The following UST variants were observed in gnomAD, a reference collection of about 807,000 sequenced individuals.
UST encodes chondroitin sulfate 2-O-sulfotransferase.
UST carries 21 observed loss-of-function variants against 45.6 expected under a neutral mutation model. That is an observed-to-expected ratio of 0.46 (90% CI 0.33 to 0.66). The LOEUF is 0.66. UST is among the 30% of genes least tolerant of loss of function. The pLI is 0.02. For synonymous variants in UST, 215 were observed against 200.6 expected, an observed-to-expected ratio of 1.07 and a Z score of -0.61; for missense variants, 463 against 512.4, an observed-to-expected ratio of 0.90 and a Z score of 0.93.
At chr6:148,757,037 G>C (rs1217197043) in intron 1 of UST, among the ~76,000 whole-genome samples, 1 of 152,208 alleles carries the variant, frequency 6.6e-6, no homozygotes, top group Non-Finnish European at 1.5e-5. Flanking sequence ...AGAGGTGGTT[G>C]CCCATTCTAG....
chr6:148,747,995 G>C (rs997723433), intron 1 of UST, among the ~76,000 whole-genome samples: 2 of 152,202 alleles, frequency 1.3e-5, no homozygotes, highest in African/African-American at 4.8e-5. Flanking sequence ...ATGGGTGTGT[G>C]GGGTGTGCCG....
intron 2 of UST, among the ~76,000 whole-genome samples, chr6:148,935,465 TA>T (rs1388698451): frequency 1.3e-5 from 2 of 152,178 alleles, no homozygotes; most frequent in African/African-American, 2.4e-5. Context: ...ATAGGAACAT[TA>T]AAGTAGAGGA....
chr6:149,015,877 T>C lies in UST; in HGVS notation c.682-3262T>C, dbSNP rs368727751. ...GTGCAGCTCATTGGTCTCATTTAGT[T>C]TCCCAGGAGGCTGAAATGTTGCTCA... On this transcript the variant is annotated intron_variant, in intron 5 of 7. Coordinates refer to ENST00000367463, the MANE Select transcript of UST (RefSeq NM_005715.3). Among the ~76,000 whole-genome samples the C allele has an allele frequency of 3.9e-5, 6 of 152,274 alleles. 1 individual carries two copies. The highest frequency in any genetic ancestry group is 1.3e-4 in the Admixed American group (2 of 15,302).
At chr6:149,012,670 C>T (rs1276728240) in intron 5 of UST, among the ~76,000 whole-genome samples, 3 of 152,110 alleles carry the variant, frequency 2.0e-5, no homozygotes, top group Non-Finnish European at 4.4e-5. Context: ...CAAAGTTCCA[C>T]AGTGGTATAT....
chr6:148,833,645 C>G (rs1582840799), intron 1 of UST, among the ~76,000 whole-genome samples: 1 of 152,162 alleles, frequency 6.6e-6, no homozygotes, highest in East Asian at 1.9e-4. Context: ...AGGTGGAGGA[C>G]AAGCAGGTTA....
chr6:148,994,897 T>C lies in UST; in HGVS notation c.682-24242T>C, dbSNP rs566573862. On this transcript the variant is annotated intron_variant, in intron 5 of 7. Transcript: ENST00000367463. ...CCCTTCATAGCCCTTAATCTATAGA[T>C]TCAAAACTCAAAGTGCCTGTTCACC... 1.3e-4 allele frequency among the ~76,000 whole-genome samples: 20 copies of C among 152,310 alleles called. No homozygotes were observed. The East Asian group carries it at 3.7e-3, about 28-fold the overall frequency.
chr6:148,778,993 C>T (rs114151290), intron 1 of UST, among the ~76,000 whole-genome samples: 1,737 of 152,222 alleles, frequency 0.011, 27 homozygotes, highest in African/African-American at 0.039. Context: ...TCTGCAAGGC[C>T]GAGCCCACCC....
chr6:148,929,174 C>T (rs1358451363), intron 2 of UST, among the ~76,000 whole-genome samples: 1 of 152,218 alleles, frequency 6.6e-6, no homozygotes. Context: ...TGGTTACTTA[C>T]TCCATATCCA....
chr6:148,759,178 G>C (rs1170649231), intron 1 of UST, among the ~76,000 whole-genome samples: 1 of 152,134 alleles, frequency 6.6e-6, no homozygotes, highest in Admixed American at 6.5e-5. Context: ...GGTCTTGACT[G>C]TCCCTATGGG....
chr6:148,858,412 T>C (rs1366543189), intron 1 of UST, among the ~76,000 whole-genome samples: 4 of 151,800 alleles, frequency 2.6e-5, no homozygotes, highest in African/African-American at 9.7e-5. Context: ...CCCACCCAGA[T>C]AGAGGGTGGG....
At chr6:149,055,904 C>T (rs1200524771) in intron 7 of UST, among the ~76,000 whole-genome samples, 2 of 152,134 alleles carry the variant, frequency 1.3e-5, no homozygotes, top group Non-Finnish European at 2.9e-5. Flanking sequence ...AAGAAGTCAT[C>T]GCAACTACCT....
chr6:148,991,803 TA>T lies in UST; in HGVS notation c.681+27241del, dbSNP rs527748341. ...ATTAGGTCTCCTTTATAATCCTGTT[TA>T]TTATATACATTTAAGCATATTGCCC... On this transcript the variant is annotated intron_variant, in intron 5 of 7. Transcript: ENST00000367463. Among the ~76,000 whole-genome samples the T allele has an allele frequency of 3.9e-5, 6 of 152,278 alleles. No individual in the cohort carries two copies. In the South Asian group the frequency reaches 8.3e-4, roughly 21 times the overall value.
intron 1 of UST, among the ~76,000 whole-genome samples, chr6:148,793,176 G>T (rs892224859): frequency 6.6e-6 from 1 of 152,026 alleles, no homozygotes; most frequent in Non-Finnish European, 1.5e-5. Context: ...TAAAAATGTA[G>T]CCAGTAGTTA....
intron 2 of UST, 69 bp from the exon 3 acceptor site, chr6:148,941,210 A>C: frequency 6.4e-7 from 1 of 1,568,208 alleles, no homozygotes. Context: ...ATTGTTCTGA[A>C]ATTGAGGGAA....
At chr6:148,785,600 C>G (rs1776719183) in intron 1 of UST, among the ~76,000 whole-genome samples, 1 of 152,150 alleles carries the variant, frequency 6.6e-6, no homozygotes, top group South Asian at 2.1e-4. Flanking sequence ...TTTGAACATT[C>G]TGGATAATAG....
intron 1 of UST, among the ~76,000 whole-genome samples, chr6:148,827,764 T>C (rs1042808181): frequency 6.6e-6 from 1 of 151,206 alleles, no homozygotes; most frequent in African/African-American, 2.4e-5. Flanking sequence ...AAACACTAAT[T>C]GTGAATTAGA....
intron 5 of UST, among the ~76,000 whole-genome samples, chr6:148,972,590 G>A (rs1027042934): frequency 6.6e-6 from 1 of 152,378 alleles, no homozygotes; most frequent in Admixed American, 6.5e-5. Flanking sequence ...CCCATCAGGA[G>A]CACGCACCGC....
chr6:148,838,966 T>A (rs887356363), intron 1 of UST, among the ~76,000 whole-genome samples: 1 of 152,162 alleles, frequency 6.6e-6, no homozygotes, highest in Non-Finnish European at 1.5e-5. Flanking sequence ...CTGCCCAATA[T>A]TCAATTTCAT....
intron 2 of UST, among the ~76,000 whole-genome samples, chr6:148,938,504 A>T (rs1342128463): frequency 6.6e-6 from 1 of 152,224 alleles, no homozygotes; most frequent in African/African-American, 2.4e-5. Context: ...AAATTAACCT[A>T]TAATTGCAAA....
Sources: allele counts gnomAD v4.1 joint callset (sites outside exome capture counted in the v4.1 genomes callset), GRCh38; gene constraint gnomAD v4.1.1; transcripts MANE v1.5; gene names NCBI Gene and HGNC (gene_info 2026-07-23, HGNC 2026-07-21).